Variants in ROR2 observed in about 807,000 individuals in gnomAD.
ROR2 encodes the protein tyrosine-protein kinase transmembrane receptor ROR2.
A neutral mutation model predicts 74.9 loss-of-function variants in ROR2; 33 were observed. The observed-to-expected ratio is 0.44, with a 90% CI of 0.33 to 0.59. The LOEUF (loss-of-function observed/expected upper bound fraction) is 0.59. Among genes scored for constraint, ROR2 ranks in the 20% least tolerant of loss-of-function variants. The pLI is 0.02. For synonymous variants in ROR2, 586 were observed against 558.7 expected (o/e 1.05, Z -0.69); for missense variants, 1,216 against 1,313.8 (o/e 0.93, Z 1.15).
chr9:91,837,107 GT>G (rs1219468361), intron 1 of ROR2, among the ~76,000 whole-genome samples: 2 of 151,918 alleles, frequency 1.3e-5, no homozygotes, highest in Non-Finnish European at 1.5e-5. Flanking sequence ...GTAATAAATG[GT>G]TCCTTAGGAA....
chr9:91,950,218 G>C lies in ROR2; in HGVS notation c.-255C>G, dbSNP rs879184148. On this transcript the variant is annotated 5_prime_UTR_variant, in exon 1 of 9. Coordinates refer to ENST00000375708, the MANE Select transcript of ROR2 (RefSeq NM_004560.4). ...CCCGCCGGCCGCCAGGACGAGCGCG[G>C]GGGGCGGACCGCGGGCGAGCGCGCA... 10 of 239,538 alleles carry C rather than the reference G, an allele frequency of 4.2e-5. No individual in the cohort carries two copies. The East Asian group carries it at 7.0e-4, about 17-fold the overall frequency. The allele number at this position is 239,538 out of a possible 1,614,324, so 14.8% of individuals were successfully genotyped here. A position where few individuals can be genotyped will look rare whatever the true frequency, so the allele number is the denominator to read the frequency against.
chr9:91,880,831 A>C (rs1340748455), intron 1 of ROR2, among the ~76,000 whole-genome samples: 1 of 152,102 alleles, frequency 6.6e-6, no homozygotes, highest in Non-Finnish European at 1.5e-5. Flanking sequence ...ACTGGAGGAG[A>C]CTCCAGAAGC....
chr9:91,893,140 T>C (rs1318055256), intron 1 of ROR2, among the ~76,000 whole-genome samples: 1 of 152,124 alleles, frequency 6.6e-6, no homozygotes, highest in East Asian at 1.9e-4. Context: ...CACTGGAAGA[T>C]ACAGGACACC....
chr9:91,794,380 T>C (rs1827102065), intron 1 of ROR2, among the ~76,000 whole-genome samples: 1 of 152,192 alleles, frequency 6.6e-6, no homozygotes, highest in Admixed American at 6.5e-5. Context: ...GTGCATGAGA[T>C]GCAGAAAGTC....
Position 91,911,933 on chromosome 9 carries a change from C to CAAAAAAAAAA in ROR2, c.97+37924_97+37933dup, listed in dbSNP as rs747087662. Reference sequence around the variant, plus strand: ...CCAGTGTCCATTACCTGAGTCTAAGCAAAAAAAAAAAAAAAAAAAAACCAC... The same window carrying CAAAAAAAAAA: ...CCAGTGTCCATTACCTGAGTCTAAGCAAAAAAAAAAAAAAAAAAAAAAAAAAAAAAACCAC... On this transcript the variant is annotated intron_variant, in intron 1 of 8. Coordinates refer to ENST00000375708, the MANE Select transcript of ROR2 (RefSeq NM_004560.4). Among the ~76,000 whole-genome samples, 60 of 76,374 alleles carry CAAAAAAAAAA rather than the reference C, an allele frequency of 7.9e-4. 1 individual carries two copies. The highest frequency in any genetic ancestry group is 2.4e-3 in the African/African-American group (49 of 20,736). 50.1% of individuals were successfully genotyped at this position (76,374 alleles called of 152,430 possible). A position where few individuals can be genotyped will look rare whatever the true frequency, so the allele number is the denominator to read the frequency against.
intron 1 of ROR2, among the ~76,000 whole-genome samples, chr9:91,797,776 C>T (rs1827225726): frequency 1.8e-5 from 1 of 55,460 alleles, no homozygotes; most frequent in Non-Finnish European, 3.2e-5. Context: ...GTGGATAGGG[C>T]TGACACCCTG....
chr9:91,849,401 T>C (rs779346912), intron 1 of ROR2, among the ~76,000 whole-genome samples: 16 of 152,232 alleles, frequency 1.1e-4, no homozygotes, highest in Non-Finnish European at 1.8e-4. Flanking sequence ...TTCAAAGATG[T>C]GCTTCCAAGC....
intron 1 of ROR2, among the ~76,000 whole-genome samples, chr9:91,830,556 C>T (rs1043289739): frequency 1.2e-4 from 18 of 152,188 alleles, no homozygotes; most frequent in African/African-American, 3.9e-4. Context: ...ACAGCACTAA[C>T]AACACAAAAC....
rs557043787 is a variant in ROR2, at chr9:91,756,743, CTTTT to C, written c.463+525_463+528del. Among the ~76,000 whole-genome samples, 510 of 104,048 alleles carry C rather than the reference CTTTT, an allele frequency of 4.9e-3. 3 individuals are homozygous for C. The highest frequency in any genetic ancestry group is 0.016 in the African/African-American group (452 of 27,962). 68.3% of individuals were successfully genotyped at this position (104,048 alleles called of 152,430 possible). The stretch of plus-strand genomic sequence containing the variant: ...TCTGCACCTATTTTCTTTTTGTTCT[CTTTT>C]TTTTTTTTTTTTTTTTTTTTGAGAC... On this transcript the variant is annotated intron_variant, in intron 3 of 8. Transcript: ENST00000375708.
At chr9:91,741,094 G>A (rs1161157878) in intron 4 of ROR2, among the ~76,000 whole-genome samples, 2 of 152,056 alleles carry the variant, frequency 1.3e-5, no homozygotes, top group Admixed American at 1.3e-4. Context: ...GAGGTCAGGC[G>A]ATCGAGACCA....
intron 1 of ROR2, among the ~76,000 whole-genome samples, chr9:91,836,820 G>A (rs1376848096): frequency 4.6e-5 from 7 of 152,224 alleles, no homozygotes; most frequent in Non-Finnish European, 7.3e-5. Context: ...CACCTCTGCC[G>A]CCTGGGCAGT....
intron 1 of ROR2, among the ~76,000 whole-genome samples, chr9:91,927,756 G>C (rs1240589925): frequency 1.3e-5 from 2 of 151,710 alleles, no homozygotes; most frequent in African/African-American, 4.8e-5. Flanking sequence ...TAGAGACGGG[G>C]TTTCACCATG....
At chr9:91,938,100 C>T (rs1414318503) in intron 1 of ROR2, among the ~76,000 whole-genome samples, 1 of 152,164 alleles carries the variant, frequency 6.6e-6, no homozygotes, top group Admixed American at 6.5e-5. Context: ...AATAAGACAA[C>T]ACCTTTGACC....
rs907750118 is a variant in ROR2, at chr9:91,796,436, G to GAAAAAAA, written c.98-20625_98-20619dup. Among the ~76,000 whole-genome samples, 9 of 87,712 alleles carry GAAAAAAA rather than the reference G, an allele frequency of 1.0e-4. No individual in the cohort carries two copies. In the South Asian group the frequency reaches 1.2e-3, roughly 12 times the overall value. 57.5% of individuals were successfully genotyped at this position (87,712 alleles called of 152,430 possible). A position where few individuals can be genotyped will look rare whatever the true frequency, so the allele number is the denominator to read the frequency against. ...CAACAGAGTGAGACCTTGTCCCAAG[G>GAAAAAAA]AAAAAAAAAAAAAAAAAAACATTTT... On this transcript the variant is annotated intron_variant, in intron 1 of 8. Transcript: ENST00000375708.
intron 1 of ROR2, among the ~76,000 whole-genome samples, chr9:91,836,282 G>C (rs1828608190): frequency 6.6e-6 from 1 of 152,210 alleles, no homozygotes; most frequent in Non-Finnish European, 1.5e-5. Context: ...GTTCACGCCT[G>C]TAATCCCAGC....
chr9:91,942,145 G>A (rs993591035), intron 1 of ROR2, among the ~76,000 whole-genome samples: 6 of 152,074 alleles, frequency 3.9e-5, no homozygotes, highest in South Asian at 4.2e-4. Context: ...TCATGTCCTC[G>A]ACAATTTTTG....
At chr9:91,936,778 C>T (rs924724749) in intron 1 of ROR2, among the ~76,000 whole-genome samples, 2 of 151,974 alleles carry the variant, frequency 1.3e-5, no homozygotes, top group African/African-American at 2.4e-5. Flanking sequence ...CGCCTGTAAT[C>T]CCAGCACTTT....
intron 1 of ROR2, among the ~76,000 whole-genome samples, chr9:91,832,551 G>A (rs550490098): frequency 3.0e-4 from 45 of 152,138 alleles, no homozygotes; most frequent in African/African-American, 1.0e-3. Flanking sequence ...TGACCCAGGT[G>A]GGCCTGGCTC....
intron 1 of ROR2, among the ~76,000 whole-genome samples, chr9:91,817,797 A>T (rs188418660): frequency 1.7e-3 from 256 of 152,256 alleles, no homozygotes; most frequent in Non-Finnish European, 3.1e-3. Context: ...AGGGAGTAAA[A>T]GCAAAAAGAA....
Sources: gnomAD v4.1 joint callset for allele counts (sites outside exome capture counted in the v4.1 genomes callset) on GRCh38, gnomAD v4.1.1 for gene constraint, MANE v1.5 for transcripts, NCBI Gene and HGNC (gene_info 2026-07-23, HGNC 2026-07-21) for gene names.